Variants in NECAB2 observed in about 807,000 individuals in gnomAD.
The protein encoded by NECAB2 is N-terminal EF-hand calcium binding protein 2.
Under a neutral mutation model 51.9 loss-of-function variants are expected in NECAB2, and 68 were observed. The observed-to-expected ratio is 1.31, with a 90% CI of 1.08 to 1.60. NECAB2 has a LOEUF of 1.60. NECAB2 is among the 40% of genes most tolerant of loss of function. The pLI, the probability that NECAB2 is intolerant of heterozygous loss-of-function variation, is 0.00. For missense variants in NECAB2, 854 were observed against 490.3 expected, an observed-to-expected ratio of 1.74 and a Z score of -7.00; for synonymous variants, 329 against 203.5, an observed-to-expected ratio of 1.62 and a Z score of -5.25.
intron 5 of NECAB2, among the ~76,000 whole-genome samples, chr16:83,986,970 C>T (rs1258347374): frequency 6.6e-6 from 1 of 152,154 alleles, no homozygotes; most frequent in African/African-American, 2.4e-5. Flanking sequence ...ACTAGAAACG[C>T]AACCCCCACC....
chr16:83,991,453 G>C (rs1472836628), intron 6 of NECAB2, among the ~76,000 whole-genome samples: 1 of 136,030 alleles, frequency 7.4e-6, no homozygotes, highest in African/African-American at 2.9e-5. Context: ...TGCAACGTCC[G>C]CCTCCCAGGT....
intron 6 of NECAB2, among the ~76,000 whole-genome samples, chr16:83,991,648 C>T (rs763282266): frequency 1.1e-4 from 17 of 150,108 alleles, no homozygotes; most frequent in Non-Finnish European, 1.6e-4. Context: ...CCATGGAGCC[C>T]GGCCTTATTT....
chr16:83,965,733 T>C (rs1332253148), upstream of NECAB2: 3 of 1,613,484 alleles, frequency 1.9e-6, no homozygotes, highest in Admixed American at 1.7e-5. Context: ...GAGAAGGTGT[T>C]TGGGGTCTCC....
chr16:84,002,299 C>A lies in NECAB2; in HGVS notation c.1133-19C>A. On this transcript the variant is annotated intron_variant, in intron 12 of 12. Transcript: ENST00000305202. ...CCACATTCGCACTCCTTCCCTCTAA[C>A]GTGTCTCTCTCCTTTTAGCTGCTTG... 6.2e-7 allele frequency: 1 copy of A among 1,613,804 alleles called. No homozygotes were observed. Among genetic ancestry groups the A allele is most frequent in the South Asian group, 1.1e-5 (1 of 91,074 alleles).
In NECAB2 at chr16:84,002,743, T is replaced by TACCCA. The variant is rs2084864612; in HGVS notation, c.*397_*398insACCCA. ...CAACCTAGCCAGGTAGCCACCACTG[T>TACCCA]GCCCAGGCGCCAAATAAACCCTGGT... is the stretch of plus-strand genomic sequence containing the variant. On this transcript the variant is annotated 3_prime_UTR_variant, in exon 13 of 13. Coordinates refer to ENST00000305202, the MANE Select transcript of NECAB2 (RefSeq NM_019065.3). 1.3e-5 allele frequency: 3 copies of TACCCA among 229,692 alleles called. No individual in the cohort carries two copies. The Admixed American group carries it at 1.4e-4, about 11-fold the overall frequency. 14.2% of individuals were successfully genotyped at this position (229,692 alleles called of 1,614,324 possible). A position where few individuals can be genotyped will look rare whatever the true frequency, so the allele number is the denominator to read the frequency against.
At chr16:83,980,754 ATG>A in intron 3 of NECAB2, 83 bp from the exon 4 acceptor site, 1 of 1,490,296 alleles carries the variant, frequency 6.7e-7, no homozygotes, top group Non-Finnish European at 9.1e-7. Context: ...AGCAGGCAGG[ATG>A]TGTGTTTCGC....
chr16:83,965,580 A>C, upstream of NECAB2: 2 of 1,612,958 alleles, frequency 1.2e-6, no homozygotes, highest in Non-Finnish European at 1.7e-6. Context: ...CTGTACCCCG[A>C]GTACCACAAG....
At chr16:84,001,516 A>G (rs1484505524) in intron 11 of NECAB2, among the ~76,000 whole-genome samples, 4 of 152,062 alleles carry the variant, frequency 2.6e-5, no homozygotes, top group African/African-American at 9.7e-5. Context: ...CTGTGTTGTC[A>G]TGGGTCCCAG....
chr16:83,965,484 C>G (rs908320461), upstream of NECAB2: 3 of 1,609,438 alleles, frequency 1.9e-6, no homozygotes, highest in African/African-American at 4.0e-5. Flanking sequence ...GTCCTCTACG[C>G]CCGCCACTAC....
rs1419335812 is a variant in NECAB2, at chr16:83,997,321, G to T, written c.849+52G>T. 3 of 1,610,720 alleles carry T rather than the reference G, an allele frequency of 1.9e-6. No individual in the cohort carries two copies. The South Asian group carries it at 3.3e-5, about 18-fold the overall frequency. ...GGGACCACATCCCTACCCATGCCAG[G>T]ACTGCCAAGATCCAAGTGGCTCAAT... On this transcript the variant is annotated intron_variant, in intron 9 of 12. Transcript: ENST00000305202.
chr16:83,986,890 G>A (rs899572337), intron 5 of NECAB2, among the ~76,000 whole-genome samples: 1 of 152,074 alleles, frequency 6.6e-6, no homozygotes, highest in African/African-American at 2.4e-5. Context: ...GCTCCAGGGA[G>A]GGTAGGAGTG....
intron 2 of NECAB2, among the ~76,000 whole-genome samples, chr16:83,975,525 T>G (rs1597198427): frequency 6.6e-6 from 1 of 152,250 alleles, no homozygotes; most frequent in South Asian, 2.1e-4. Context: ...CCCCCCAGGC[T>G]GCCCTTAGGA....
chr16:83,975,202 G>A (rs2084395043), intron 2 of NECAB2, among the ~76,000 whole-genome samples: 3 of 148,192 alleles, frequency 2.0e-5, no homozygotes, highest in African/African-American at 7.6e-5. Context: ...AGGTGTTGGT[G>A]CGGGGATGGG....
At chr16:83,980,043 C>G (rs550372052) in intron 3 of NECAB2, among the ~76,000 whole-genome samples, 1 of 152,224 alleles carries the variant, frequency 6.6e-6, no homozygotes. Flanking sequence ...AGTGCAGATT[C>G]ACTGGGCCAC....
At chr16:83,998,512 C>T (rs1460400374) in intron 10 of NECAB2, among the ~76,000 whole-genome samples, 195 bp downstream of exon 10, 4 of 152,284 alleles carry the variant, frequency 2.6e-5, no homozygotes, top group South Asian at 4.1e-4. Flanking sequence ...CAGGTGTCTT[C>T]ATCTCCCTGG....
intron 8 of NECAB2, among the ~76,000 whole-genome samples, chr16:83,996,750 T>C (rs932658214): frequency 6.6e-6 from 1 of 152,150 alleles, no homozygotes; most frequent in Non-Finnish European, 1.5e-5. Flanking sequence ...AGAGCAGATG[T>C]GGTTCCTGGA....
Position 84,000,808 on chromosome 16 carries a change from T to C in NECAB2, c.1040+7T>C, listed in dbSNP as rs756561325. On this transcript the variant is annotated splice_region_variant and intron_variant, in intron 11 of 12. Transcript: ENST00000305202. ...CAGAGGAGGCGTGGAAGAGGTGAGA[T>C]GCTGGGTCCCCACAGCAGGTGAGGG... The C allele has an allele frequency of 1.9e-6, 3 of 1,613,196 alleles. No homozygotes were observed. The highest frequency in any genetic ancestry group is 2.2e-5 in the East Asian group (1 of 44,866).
At chr16:84,002,263 TACGAGGCTGCCC>T in intron 12 of NECAB2, 43 bp from the exon 13 acceptor site, 1 of 1,595,948 alleles carries the variant, frequency 6.3e-7, no homozygotes, top group South Asian at 1.1e-5. Context: ...CACCACCAGC[TACGAGGCTGCCC>T]ACATTCGCAC....
chr16:83,979,484 G>C (rs2084457369), intron 3 of NECAB2, among the ~76,000 whole-genome samples: 1 of 152,182 alleles, frequency 6.6e-6, no homozygotes, highest in African/African-American at 2.4e-5. Context: ...AAGTGGAGCA[G>C]ATACCATCCT....
Sources: gnomAD v4.1 joint callset for allele counts (sites outside exome capture counted in the v4.1 genomes callset) on GRCh38, gnomAD v4.1.1 for gene constraint, MANE v1.5 for transcripts, NCBI Gene and HGNC (gene_info 2026-07-23, HGNC 2026-07-21) for gene names.